MOB1B: variants seen among roughly 807,000 people sequenced by gnomAD.
The protein encoded by MOB1B is MOB1 Mps One Binder homolog B.
A neutral mutation model predicts 24.4 loss-of-function variants in MOB1B; 19 were observed. The ratio of observed to expected loss-of-function variants is 0.78; its 90% CI spans 0.54 to 1.14. MOB1B has a LOEUF of 1.14. Among genes scored for constraint, MOB1B ranks in the 50% most tolerant of loss-of-function variants. MOB1B has a pLI of 0.00. For missense variants in MOB1B, 243 were observed against 259.6 expected, an observed-to-expected ratio of 0.94 and a Z score of 0.44; for synonymous variants, 76 against 82.1, an observed-to-expected ratio of 0.93 and a Z score of 0.40.
Position 70,934,292 on chromosome 4 carries a change from G to A in MOB1B, c.15-24582G>A, listed in dbSNP as rs182358295. 8.5e-3 allele frequency among the ~76,000 whole-genome samples: 1,268 copies of A among 149,890 alleles called. 7 individuals are homozygous for A. The highest frequency in any genetic ancestry group is 1.0e-2 in the Non-Finnish European group (675 of 67,582). On this transcript the variant is annotated intron_variant, in intron 1 of 5. Coordinates refer to ENST00000309395, the MANE Select transcript of MOB1B (RefSeq NM_173468.4). ...GTAGAGATGGGGTTTCACCATGTTGGCCAGGTTGGTCTCGAACTCCTGGCC... is the reference window on the plus strand; with the variant it reads ...GTAGAGATGGGGTTTCACCATGTTGACCAGGTTGGTCTCGAACTCCTGGCC...
chr4:70,906,537 T>C (rs1228356038), intron 1 of MOB1B, among the ~76,000 whole-genome samples: 1 of 152,138 alleles, frequency 6.6e-6, no homozygotes, highest in East Asian at 1.9e-4. Context: ...AGGTTGTAAG[T>C]GCCATGGAAC....
chr4:70,916,498 A>G (rs1736201083), intron 1 of MOB1B, among the ~76,000 whole-genome samples: 1 of 152,228 alleles, frequency 6.6e-6, no homozygotes, highest in South Asian at 2.1e-4. Flanking sequence ...CTAAATTCAA[A>G]TAGAACAAAG....
At chr4:70,975,955 A>G (rs1738970418) in intron 4 of MOB1B, 2 of 428,812 alleles carry the variant, frequency 4.7e-6, no homozygotes, top group South Asian at 2.0e-4. Flanking sequence ...GCTGGAGTGC[A>G]GTGGCGTGAT....
chr4:70,905,135 A>G (rs1350350970), intron 1 of MOB1B, among the ~76,000 whole-genome samples: 2 of 152,250 alleles, frequency 1.3e-5, no homozygotes, highest in Non-Finnish European at 2.9e-5. Context: ...GTCAATTAAA[A>G]ATCCAAAGTG....
chr4:70,951,936 A>G lies in MOB1B; in HGVS notation c.15-6938A>G, dbSNP rs114568562. Among the ~76,000 whole-genome samples the G allele has an allele frequency of 3.3e-3, 503 of 152,316 alleles. 3 individuals carry two copies. The highest frequency in any genetic ancestry group is 0.012 in the African/African-American group (482 of 41,566). On this transcript the variant is annotated intron_variant, in intron 1 of 5. Transcript: ENST00000309395. ...GCTGTGTTGGAAGCTGTACAAGAGA[A>G]ATTAGCAATCTAATACCTGTCCTTT...
intron 1 of MOB1B, among the ~76,000 whole-genome samples, chr4:70,944,766 GGAGA>G (rs1737503806): frequency 6.6e-6 from 1 of 152,062 alleles, no homozygotes; most frequent in Non-Finnish European, 1.5e-5. Flanking sequence ...GAAGTAGAGA[GGAGA>G]GAGAGAAAGG....
chr4:70,971,634 G>A (rs1007337438), intron 3 of MOB1B, among the ~76,000 whole-genome samples: 1 of 152,122 alleles, frequency 6.6e-6, no homozygotes, highest in Admixed American at 6.6e-5. Context: ...ATTTAGAAAT[G>A]AAATCAGTCC....
At chr4:70,920,218 T>TTCCTCC (rs1220901129) in intron 1 of MOB1B, among the ~76,000 whole-genome samples, 1 of 151,912 alleles carries the variant, frequency 6.6e-6, no homozygotes, top group South Asian at 2.1e-4. Context: ...CCTCTTCCTC[T>TTCCTCC]TCCTCCTCCT....
chr4:70,953,126 A>G (rs926520146), intron 1 of MOB1B, among the ~76,000 whole-genome samples: 1 of 151,728 alleles, frequency 6.6e-6, no homozygotes, highest in Non-Finnish European at 1.5e-5. Context: ...TTTAGCAGAG[A>G]TAGGGTTTCA....
At chr4:70,925,721 G>A (rs189051462) in intron 1 of MOB1B, among the ~76,000 whole-genome samples, 2 of 152,248 alleles carry the variant, frequency 1.3e-5, no homozygotes, top group African/African-American at 4.8e-5. Flanking sequence ...GTGGATGCCT[G>A]TATATTTAAT....
intron 1 of MOB1B, among the ~76,000 whole-genome samples, chr4:70,940,459 A>G (rs1443254494): frequency 6.6e-6 from 1 of 152,094 alleles, no homozygotes; most frequent in Non-Finnish European, 1.5e-5. Context: ...TTTGAACTGC[A>G]AGGAATATCT....
Position 70,984,170 on chromosome 4 carries a change from TG to T in MOB1B, c.*2114del, listed in dbSNP as rs1739307310. 1.3e-5 allele frequency: 2 copies of T among 152,548 alleles called. No individual in the cohort carries two copies. The highest frequency in any genetic ancestry group is 2.4e-5 in the African/African-American group (1 of 41,456). 9.4% of individuals were successfully genotyped at this position (152,548 alleles called of 1,614,324 possible). A position where few individuals can be genotyped will look rare whatever the true frequency, so the allele number is the denominator to read the frequency against. On this transcript the variant is annotated 3_prime_UTR_variant, in exon 6 of 6. Coordinates refer to ENST00000309395, the MANE Select transcript of MOB1B (RefSeq NM_173468.4). ...TAGTAAGACCTACTTTCCCACTATATGTAGATAGTTTGTTTTCACTGTGCCA... is the reference window on the plus strand; with the variant it reads ...TAGTAAGACCTACTTTCCCACTATATTAGATAGTTTGTTTTCACTGTGCCA...
intron 1 of MOB1B, among the ~76,000 whole-genome samples, chr4:70,920,201 T>A (rs1736368505): frequency 6.6e-6 from 1 of 152,130 alleles, no homozygotes; most frequent in South Asian, 2.1e-4. Context: ...AATATTTGAT[T>A]TAAGCTCCTC....
intron 1 of MOB1B, among the ~76,000 whole-genome samples, chr4:70,957,640 C>T (rs1229159308): frequency 6.6e-6 from 1 of 151,868 alleles, no homozygotes; most frequent in African/African-American, 2.4e-5. Context: ...GAGGGAGTCT[C>T]ATGCATTGCC....
At chr4:70,905,658 C>T (rs1471111258) in intron 1 of MOB1B, among the ~76,000 whole-genome samples, 1 of 152,106 alleles carries the variant, frequency 6.6e-6, no homozygotes, top group Non-Finnish European at 1.5e-5. Flanking sequence ...AGCCTACGAT[C>T]AGTGGATGGA....
chr4:70,959,106 T>C (rs1337502209), intron 2 of MOB1B, 66 bp downstream of exon 2: 3 of 1,355,800 alleles, frequency 2.2e-6, no homozygotes, highest in African/African-American at 1.5e-5. Context: ...TTGGTGAGTG[T>C]TGGTGCTGTC....
chr4:70,919,342 C>T (rs28883978), intron 1 of MOB1B, among the ~76,000 whole-genome samples: 3,473 of 151,010 alleles, frequency 0.023, 52 homozygotes, highest in Middle Eastern at 0.049. Context: ...AATTTTGAAA[C>T]TGAAGTTTGA....
chr4:70,915,665 C>G (rs1328131042), intron 1 of MOB1B, among the ~76,000 whole-genome samples: 1 of 152,106 alleles, frequency 6.6e-6, no homozygotes, highest in Non-Finnish European at 1.5e-5. Flanking sequence ...GCCCTATTTT[C>G]CTACCTCATC....
intron 1 of MOB1B, among the ~76,000 whole-genome samples, chr4:70,946,942 T>G (rs980707019): frequency 1.3e-5 from 2 of 152,218 alleles, no homozygotes; most frequent in Non-Finnish European, 2.9e-5. Context: ...TATATTTTTC[T>G]TTCACATTAT....
Sources: gnomAD v4.1 joint callset for allele counts (sites outside exome capture counted in the v4.1 genomes callset) on GRCh38, gnomAD v4.1.1 for gene constraint, MANE v1.5 for transcripts, NCBI Gene and HGNC (gene_info 2026-07-23, HGNC 2026-07-21) for gene names.